The following PTPRK variants were observed in gnomAD, a reference collection of about 807,000 sequenced individuals.
PTPRK encodes receptor-type tyrosine-protein phosphatase kappa.
PTPRK carries 75 observed loss-of-function variants against 178.0 expected under a neutral mutation model. That is an observed-to-expected ratio of 0.42 (90% confidence interval 0.35 to 0.51). The LOEUF is 0.51. Among genes scored for constraint, PTPRK ranks in the 20% least tolerant of loss-of-function variants. The pLI is 0.02. For missense variants in PTPRK, 1,441 were observed against 1,797.8 expected (o/e 0.80, Z 3.59); for synonymous variants, 637 against 620.6 (o/e 1.03, Z -0.39).
Position 128,067,798 on chromosome 6 carries a change from G to A in PTPRK, c.1884-6C>T. The stretch of plus-strand genomic sequence containing the variant: ...CCACAACAATCTGATAAGCACTTTG[G>A]GGAAAAGAAAAAAAGAACACACATA... On this transcript the variant is annotated splice_polypyrimidine_tract_variant and splice_region_variant and intron_variant, in intron 11 of 29. Coordinates refer to ENST00000368226, the MANE Select transcript of PTPRK (RefSeq NM_002844.4). 3.8e-6 allele frequency: 6 copies of A among 1,561,864 alleles called. No individual in the cohort carries two copies. Among genetic ancestry groups the A allele is most frequent in the African/African-American group, 1.4e-5 (1 of 72,472 alleles).
chr6:128,046,284 T>C (rs1476112322), intron 13 of PTPRK, among the ~76,000 whole-genome samples: 1 of 152,122 alleles, frequency 6.6e-6, no homozygotes, highest in Non-Finnish European at 1.5e-5. Flanking sequence ...TGTGCATAGA[T>C]CCAACAGGCA....
At chr6:128,391,015 G>A (rs533491362) in intron 2 of PTPRK, among the ~76,000 whole-genome samples, 51 of 152,094 alleles carry the variant, frequency 3.4e-4, no homozygotes, top group Admixed American at 5.9e-4. Context: ...GTGGTATAGA[G>A]AAAGGGGTAG....
At chr6:128,287,459 G>A (rs1259825621) in intron 3 of PTPRK, among the ~76,000 whole-genome samples, 3 of 152,162 alleles carry the variant, frequency 2.0e-5, no homozygotes, top group African/African-American at 7.2e-5. Flanking sequence ...CAAGCGTGAT[G>A]ATAATCCAAA....
intron 6 of PTPRK, among the ~76,000 whole-genome samples, chr6:128,194,064 A>ATATAT (rs1307363948): frequency 5.4e-4 from 74 of 137,548 alleles, no homozygotes; most frequent in Non-Finnish European, 8.9e-4. Context: ...ATTTATATAT[A>ATATAT]TATTATTATT....
chr6:128,270,001 C>A (rs1274787761), intron 3 of PTPRK, among the ~76,000 whole-genome samples: 2 of 152,118 alleles, frequency 1.3e-5, no homozygotes, highest in Non-Finnish European at 2.9e-5. Context: ...AGTAAATTCA[C>A]TTTCCTTTCT....
chr6:128,242,238 C>T (rs374044179), intron 4 of PTPRK, among the ~76,000 whole-genome samples: 2 of 152,062 alleles, frequency 1.3e-5, no homozygotes, highest in African/African-American at 4.8e-5. Context: ...AAAAAATGAA[C>T]AAGTCCTACT....
At chr6:128,483,114 T>C (rs1852312332) in intron 1 of PTPRK, among the ~76,000 whole-genome samples, 1 of 152,202 alleles carries the variant, frequency 6.6e-6, no homozygotes, top group Admixed American at 6.5e-5. Context: ...CAGCAATTTA[T>C]CTATTTATTT....
chr6:128,181,087 A>G (rs1475640317), intron 7 of PTPRK, among the ~76,000 whole-genome samples: 11 of 152,100 alleles, frequency 7.2e-5, no homozygotes. Flanking sequence ...CATTCACTTC[A>G]TATGTTGATT....
chr6:128,136,282 A>G (rs1484115548), intron 7 of PTPRK, among the ~76,000 whole-genome samples: 1 of 152,222 alleles, frequency 6.6e-6, no homozygotes, highest in Non-Finnish European at 1.5e-5. Context: ...TCCTAGGCAG[A>G]CAAATACATA....
intron 1 of PTPRK, among the ~76,000 whole-genome samples, chr6:128,488,008 A>G (rs1853217932): frequency 6.6e-6 from 1 of 152,178 alleles, no homozygotes; most frequent in South Asian, 2.1e-4. Flanking sequence ...ACACAGTCAC[A>G]AGGTGAAGTT....
intron 25 of PTPRK, among the ~76,000 whole-genome samples, chr6:127,978,194 T>C (rs1312839427): frequency 1.3e-5 from 2 of 152,170 alleles, no homozygotes; most frequent in Non-Finnish European, 1.5e-5. Context: ...GGGATGAGTG[T>C]CTCCTAAGAA....
At chr6:128,283,376 C>T (rs1443244803) in intron 3 of PTPRK, among the ~76,000 whole-genome samples, 1 of 152,166 alleles carries the variant, frequency 6.6e-6, no homozygotes, top group Admixed American at 6.5e-5. Context: ...GCTCAAAATA[C>T]AATTAGTACA....
intron 13 of PTPRK, among the ~76,000 whole-genome samples, chr6:128,044,881 A>G (rs908344259): frequency 6.6e-5 from 10 of 151,960 alleles, no homozygotes; most frequent in Admixed American, 1.3e-4. Context: ...CCCCATCTGA[A>G]ATATAAGCTC....
chr6:128,039,487 C>T (rs1443519946), intron 13 of PTPRK, among the ~76,000 whole-genome samples: 1 of 152,024 alleles, frequency 6.6e-6, no homozygotes, highest in Non-Finnish European at 1.5e-5. Context: ...CTATTTAAAA[C>T]ACAACATTGG....
chr6:128,271,766 T>C (rs905265088), intron 3 of PTPRK, among the ~76,000 whole-genome samples: 1 of 151,904 alleles, frequency 6.6e-6, no homozygotes, highest in Admixed American at 6.6e-5. Flanking sequence ...TATAGATGCA[T>C]AATCTCTGGC....
At chr6:128,333,962 T>C (rs1325837400) in intron 2 of PTPRK, among the ~76,000 whole-genome samples, 1 of 152,146 alleles carries the variant, frequency 6.6e-6, no homozygotes, top group Non-Finnish European at 1.5e-5. Context: ...GGTTACTAAT[T>C]GGCTTAATTT....
chr6:127,984,667 C>T (rs2114640436), intron 22 of PTPRK, among the ~76,000 whole-genome samples: 1 of 152,250 alleles, frequency 6.6e-6, no homozygotes, highest in South Asian at 2.1e-4. Context: ...AACATTATTT[C>T]CTTGTTATTC....
At chr6:128,028,267 A>T (rs988542336) in intron 13 of PTPRK, among the ~76,000 whole-genome samples, 21 of 152,086 alleles carry the variant, frequency 1.4e-4, no homozygotes, top group South Asian at 2.1e-4. Flanking sequence ...AGCACCTGAT[A>T]AAAAAAAGGA....
chr6:128,443,704 A>C (rs2128401618), intron 1 of PTPRK, among the ~76,000 whole-genome samples: 1 of 152,372 alleles, frequency 6.6e-6, no homozygotes, highest in East Asian at 1.9e-4. Flanking sequence ...ACTGAGTCAA[A>C]GCCAGCAGGG....
Sources: gnomAD v4.1 joint callset for allele counts (sites outside exome capture counted in the v4.1 genomes callset) on GRCh38, gnomAD v4.1.1 for gene constraint, MANE v1.5 for transcripts, NCBI Gene and HGNC (gene_info 2026-07-23, HGNC 2026-07-21) for gene names.